NAV3: variants seen among roughly 807,000 people sequenced by gnomAD.
NAV3 encodes neuron navigator 3, also known as pore membrane and/or filament interacting like protein 1.
Under a neutral mutation model 244.7 loss-of-function variants are expected in NAV3, and 87 were observed. The observed-to-expected ratio is 0.36, with a 90% CI of 0.30 to 0.42. The LOEUF is 0.42. NAV3 is among the 20% of genes least tolerant of loss of function. The pLI is 1.00. For synonymous variants in NAV3, 1,126 were observed against 1,042.2 expected, an observed-to-expected ratio of 1.08 and a Z score of -1.55; for missense variants, 2,663 against 2,893.3, an observed-to-expected ratio of 0.92 and a Z score of 1.83.
chr12:78,123,346 T>A (rs1304832458), intron 16 of NAV3, among the ~76,000 whole-genome samples: 1 of 151,508 alleles, frequency 6.6e-6, no homozygotes, highest in Non-Finnish European at 1.5e-5. Context: ...TTTTTTTATT[T>A]TTTTTTTATT....
chr12:77,651,004 A>G (rs1361668275), intron 2 of NAV3, among the ~76,000 whole-genome samples: 1 of 152,076 alleles, frequency 6.6e-6, no homozygotes, highest in Admixed American at 6.6e-5. Flanking sequence ...ATCTAGGTAA[A>G]TTAATCCTTA....
chr12:77,970,747 G>C (rs1892932847), intron 5 of NAV3, among the ~76,000 whole-genome samples: 1 of 152,052 alleles, frequency 6.6e-6, no homozygotes, highest in Admixed American at 6.6e-5. Context: ...GAAGAACAAA[G>C]TGGATGACAT....
chr12:78,088,719 A>G (rs1953767437), intron 12 of NAV3: 1 of 152,124 alleles, frequency 6.6e-6, no homozygotes, highest in South Asian at 2.1e-4. Flanking sequence ...GGCAGCAAAT[A>G]CATACTTTTA....
intron 1 of NAV3, among the ~76,000 whole-genome samples, chr12:77,907,132 G>A (rs1365260065): frequency 1.3e-5 from 2 of 152,244 alleles, no homozygotes; most frequent in Admixed American, 6.5e-5. Flanking sequence ...TGTGTGACAG[G>A]CTCATGCTAG....
At chr12:78,143,881 A>G (rs548233556) in intron 20 of NAV3, among the ~76,000 whole-genome samples, 4 of 152,272 alleles carry the variant, frequency 2.6e-5, no homozygotes, top group East Asian at 1.9e-4. Context: ...GCCTCCACCA[A>G]TGCTTTTCTT....
intron 1 of NAV3, among the ~76,000 whole-genome samples, chr12:77,870,546 A>T (rs967058999): frequency 2.0e-5 from 3 of 152,142 alleles, no homozygotes; most frequent in African/African-American, 7.2e-5. Context: ...AAAGAGAAAT[A>T]CTGGGGTTAA....
intron 2 of NAV3, among the ~76,000 whole-genome samples, chr12:77,633,972 G>A (rs569440497): frequency 2.0e-5 from 3 of 152,156 alleles, no homozygotes; most frequent in Admixed American, 6.5e-5. Context: ...AAACATTTTG[G>A]TGTTTTATTT....
intron 1 of NAV3, among the ~76,000 whole-genome samples, chr12:77,924,559 A>AAAAGTAGTT (rs1181078280): frequency 6.6e-6 from 1 of 152,176 alleles, no homozygotes; most frequent in African/African-American, 2.4e-5. Context: ...ACTCTTCACA[A>AAAAGTAGTT]AAAGTAGTTT....
chr12:77,874,310 G>T (rs943138424), intron 1 of NAV3, among the ~76,000 whole-genome samples: 1 of 151,930 alleles, frequency 6.6e-6, no homozygotes, highest in African/African-American at 2.4e-5. Context: ...CATCAACCTT[G>T]CAGGCTCAAG....
At position 78,190,137 on chromosome 12, in the gene NAV3, C is replaced by T. The variant is rs988402384; in HGVS notation, c.6209C>T (p.Ala2070Val). ...TGKTYLANKL[A>V]EYVITKSGRK... Reference sequence around the variant, plus strand: ...AAGACCTATTTGGCAAACAAACTTGCTGAATATGTAATAACCAAATCTGGA... The same window carrying T: ...AAGACCTATTTGGCAAACAAACTTGTTGAATATGTAATAACCAAATCTGGA... The change falls in exon 34 of 40, where the codon GCT becomes GTT. Residue 2070 changes from alanine to valine, a missense_variant. Coordinates refer to ENST00000397909, the MANE Select transcript of NAV3 (RefSeq NM_001024383.2). 1 of 1,612,848 alleles carries T rather than the reference C, an allele frequency of 6.2e-7. No homozygotes were observed. Among genetic ancestry groups the T allele is most frequent in the African/African-American group, 1.3e-5 (1 of 74,844 alleles).
chr12:77,864,177 A>G (rs1293133515), intron 1 of NAV3, among the ~76,000 whole-genome samples: 1 of 151,570 alleles, frequency 6.6e-6, no homozygotes, highest in Non-Finnish European at 1.5e-5. Flanking sequence ...TTCACCCCTT[A>G]TTTATATTTT....
At chr12:77,828,998 G>A (rs201574368), upstream of NAV3, among the ~76,000 whole-genome samples, 23 of 152,290 alleles carry the variant, frequency 1.5e-4, no homozygotes, top group East Asian at 1.9e-3. Flanking sequence ...AATAGTCAGC[G>A]TAGAATTATA....
chr12:77,967,270 C>T (rs1332443629), intron 4 of NAV3, among the ~76,000 whole-genome samples: 1 of 152,008 alleles, frequency 6.6e-6, no homozygotes, highest in East Asian at 1.9e-4. Flanking sequence ...AATTTACTCT[C>T]TAAATTAGTT....
chr12:77,707,286 T>C (rs1327160062), intron 2 of NAV3, among the ~76,000 whole-genome samples: 3 of 146,132 alleles, frequency 2.1e-5, no homozygotes, highest in Non-Finnish European at 4.5e-5. Flanking sequence ...TCAATTCCCA[T>C]CTATGAGTGA....
At chr12:77,855,282 A>G (rs571607316) in intron 1 of NAV3, among the ~76,000 whole-genome samples, 3 of 152,190 alleles carry the variant, frequency 2.0e-5, no homozygotes, top group East Asian at 3.8e-4. Context: ...CTAAATTTCA[A>G]TATATTTTTG....
intron 24 of NAV3, among the ~76,000 whole-genome samples, chr12:78,173,755 AG>A (rs1958103921): frequency 6.6e-6 from 1 of 150,590 alleles, no homozygotes. Flanking sequence ...AAAAAAAAAA[AG>A]CTGTATGTGT....
chr12:77,874,870 T>G (rs975803271), intron 1 of NAV3, among the ~76,000 whole-genome samples: 1 of 109,088 alleles, frequency 9.2e-6, no homozygotes, highest in Admixed American at 8.1e-5. Flanking sequence ...TATTCTGTAT[T>G]TTTTTTATAG....
intron 1 of NAV3, among the ~76,000 whole-genome samples, chr12:77,847,431 A>G (rs1447592019): frequency 6.6e-6 from 1 of 152,152 alleles, no homozygotes; most frequent in Non-Finnish European, 1.5e-5. Context: ...CACTAAACAC[A>G]TTTTCTTTAG....
chr12:77,829,049 T>G (rs1012501783), upstream of NAV3, among the ~76,000 whole-genome samples: 7 of 152,228 alleles, frequency 4.6e-5, no homozygotes, highest in African/African-American at 1.7e-4. Context: ...GAATGTTGTA[T>G]AGTCAGCAGG....
Sources: allele counts gnomAD v4.1 joint callset (sites outside exome capture counted in the v4.1 genomes callset), GRCh38; gene constraint gnomAD v4.1.1; transcripts MANE v1.5; gene names NCBI Gene and HGNC (gene_info 2026-07-23, HGNC 2026-07-21).